Variants in ANKRD12 observed in about 807,000 individuals in gnomAD.
ANKRD12 encodes ankyrin repeat domain-containing protein 12.
Under a neutral mutation model 183.4 loss-of-function variants are expected in ANKRD12, and 85 were observed. That is an observed-to-expected ratio of 0.46 (90% confidence interval 0.39 to 0.56). The LOEUF is 0.56. Among genes scored for constraint, ANKRD12 ranks in the 20% least tolerant of loss-of-function variants. The pLI is 0.00. For synonymous variants in ANKRD12, 914 were observed against 800.2 expected (o/e 1.14, Z -2.40); for missense variants, 2,405 against 2,357.1 (o/e 1.02, Z -0.42).
rs569066894 is a variant in ANKRD12, at chr18:9,268,084, T to C, written c.5763+4196T>C. On this transcript the variant is annotated intron_variant, in intron 10 of 12. Transcript: ENST00000262126. ...CTAAACCAGGAAGAAGTTGAATCTCTGAATAGACCAATAACAGGCTCTGAA... is the reference window on the plus strand; with the variant it reads ...CTAAACCAGGAAGAAGTTGAATCTCCGAATAGACCAATAACAGGCTCTGAA... Among the ~76,000 whole-genome samples the C allele has an allele frequency of 8.4e-4, 128 of 152,260 alleles. 1 individual carries two copies. The highest frequency in any genetic ancestry group is 2.9e-3 in the African/African-American group (121 of 41,538).
chr18:9,181,656 T>C (rs922809410), intron 1 of ANKRD12, among the ~76,000 whole-genome samples: 1 of 152,224 alleles, frequency 6.6e-6, no homozygotes, highest in Non-Finnish European at 1.5e-5. Context: ...TAATAGATTA[T>C]CTGACAGCAA....
chr18:9,217,126 A>C (rs1430276218), intron 7 of ANKRD12, among the ~76,000 whole-genome samples: 1 of 152,220 alleles, frequency 6.6e-6, no homozygotes. Flanking sequence ...TGATTAAATA[A>C]TTTGGCAAAA....
intron 3 of ANKRD12, among the ~76,000 whole-genome samples, chr18:9,201,884 G>A (rs1021325887): frequency 6.6e-6 from 1 of 150,988 alleles, no homozygotes; most frequent in Non-Finnish European, 1.5e-5. Flanking sequence ...CTGGAGTGCA[G>A]TGGCACAGTC....
intron 2 of ANKRD12, among the ~76,000 whole-genome samples, chr18:9,185,472 A>T (rs2033985370): frequency 6.6e-6 from 1 of 152,204 alleles, no homozygotes; most frequent in Admixed American, 6.5e-5. Flanking sequence ...CCTGAAAGGA[A>T]ATTCAAGAGA....
intron 8 of ANKRD12, among the ~76,000 whole-genome samples, chr18:9,223,079 C>A (rs2036510104): frequency 6.6e-6 from 1 of 151,986 alleles, no homozygotes; most frequent in Non-Finnish European, 1.5e-5. Flanking sequence ...AATTTAAATA[C>A]AAAATTAAAA....
chr18:9,167,123 T>C (rs1002448430), intron 1 of ANKRD12, among the ~76,000 whole-genome samples: 6 of 152,200 alleles, frequency 3.9e-5, no homozygotes, highest in Non-Finnish European at 8.8e-5. Context: ...ACTGTAGCCT[T>C]GTAGTATAGT....
chr18:9,212,433 A>C (rs998658672), intron 6 of ANKRD12, among the ~76,000 whole-genome samples: 1 of 150,322 alleles, frequency 6.7e-6, no homozygotes, highest in African/African-American at 2.4e-5. Flanking sequence ...ATCTGTATCA[A>C]TCTGTAGTTC....
rs777912081 is a variant in ANKRD12, at chr18:9,256,248, A to G, written c.2981A>G (p.His994Arg). ...ATAGTAGACGGTAATAAAGCACAAC[A>G]TGAAAAACCCTTATCCCTTAAAGAA... ...SSIVDGNKAQ[H>R]EKPLSLKEKT... Residue 994 changes from histidine (H) to arginine (R), a missense_variant, in exon 9 of 13, where the codon CAT becomes CGT. His to Arg is a conservative substitution (Grantham distance 29, BLOSUM62 0). Coordinates refer to ENST00000262126, the MANE Select transcript of ANKRD12 (RefSeq NM_015208.5). 1.2e-6 allele frequency: 2 copies of G among 1,602,758 alleles called. No homozygotes were observed. Among genetic ancestry groups the G allele is most frequent in the African/African-American group, 2.7e-5 (2 of 73,972 alleles).
At chr18:9,278,138 A>G (rs2039942210) in intron 11 of ANKRD12, among the ~76,000 whole-genome samples, 1 of 152,190 alleles carries the variant, frequency 6.6e-6, no homozygotes, top group Admixed American at 6.5e-5. Context: ...CTCTTGACAG[A>G]GAGAAACTTA....
chr18:9,157,575 G>GTATATATATATATATA (rs1324001858), intron 1 of ANKRD12, among the ~76,000 whole-genome samples: 1 of 112,792 alleles, frequency 8.9e-6, no homozygotes, highest in Non-Finnish European at 1.8e-5. Flanking sequence ...GTGTGTGTGT[G>GTATATATATATATATA]TGTGTGTGTG....
In ANKRD12 at chr18:9,285,889, GTGTAT is replaced by G. The variant is rs1399101065; in HGVS notation, c.*4768_*4772del. Reference sequence around the variant, plus strand: ...AGTCGTAATTTATTAATGAGTAGTAGTGTATTGTACAAATTTGTTTATTCGTTCTC... The same window carrying G: ...AGTCGTAATTTATTAATGAGTAGTAGTGTACAAATTTGTTTATTCGTTCTC... On this transcript the variant is annotated 3_prime_UTR_variant, in exon 13 of 13. Transcript: ENST00000262126. The G allele has an allele frequency of 2.0e-5, 3 of 152,164 alleles. No homozygotes were observed. The highest frequency in any genetic ancestry group is 2.9e-5 in the Non-Finnish European group (2 of 68,012). 9.4% of individuals were successfully genotyped at this position (152,164 alleles called of 1,614,324 possible). A position where few individuals can be genotyped will look rare whatever the true frequency, so the allele number is the denominator to read the frequency against.
In ANKRD12 at chr18:9,208,821, T is replaced by C. The variant is rs186600003; in HGVS notation, c.451+18T>C. ...CAGTCCAGGTGATACCTACCATCATTGAGTTAATGTGTATCCCTAGTTTTC... is the reference window on the plus strand; with the variant it reads ...CAGTCCAGGTGATACCTACCATCATCGAGTTAATGTGTATCCCTAGTTTTC... On this transcript the variant is annotated intron_variant, in intron 5 of 12. Coordinates refer to ENST00000262126, the MANE Select transcript of ANKRD12 (RefSeq NM_015208.5). The C allele has an allele frequency of 6.8e-4, 1,015 of 1,496,606 alleles. 3 individuals are homozygous for C. The highest frequency in any genetic ancestry group is 2.7e-3 in the Middle Eastern group (15 of 5,660). The allele number at this position is 1,496,606 out of a possible 1,614,324, so 92.7% of individuals were successfully genotyped here.
chr18:9,276,335 C>T (rs946623527), intron 11 of ANKRD12, among the ~76,000 whole-genome samples: 1 of 152,122 alleles, frequency 6.6e-6, no homozygotes, highest in Non-Finnish European at 1.5e-5. Flanking sequence ...TAGGGTATAT[C>T]ACAGAAAAAT....
At chr18:9,163,477 T>C (rs9959998) in intron 1 of ANKRD12, among the ~76,000 whole-genome samples, 84,295 of 151,990 alleles carry the variant, frequency 0.55, 24,572 homozygotes, top group South Asian at 0.75. Context: ...TGCCTCTAGC[T>C]TTGTTCTTTT....
At position 9,221,979 on chromosome 18, in the gene ANKRD12, A is replaced by T. The variant is rs746407585; in HGVS notation, c.923A>T (p.Asp308Val). 15 of 1,613,938 alleles carry T rather than the reference A, an allele frequency of 9.3e-6. No individual in the cohort carries two copies. The highest frequency in any genetic ancestry group is 1.3e-5 in the Non-Finnish European group (15 of 1,179,852). Residue 308 changes from aspartate (D) to valine (V), a missense_variant, in exon 8 of 13, where the codon GAT becomes GTT. Coordinates refer to ENST00000262126, the MANE Select transcript of ANKRD12 (RefSeq NM_015208.5). The part of the protein sequence containing the change: ...LLLKREVPLS[D>V]DDESYTDSEE... ...CTAAAAAGAGAGGTGCCTTTATCTG[A>T]TGATGATGAAAGTTACACAGGTTTG...
At chr18:9,181,000 C>T (rs530907995) in intron 1 of ANKRD12, among the ~76,000 whole-genome samples, 1 of 152,248 alleles carries the variant, frequency 6.6e-6, no homozygotes, top group African/African-American at 2.4e-5. Context: ...ACTTTAACTC[C>T]ATAAGCTTTA....
intron 11 of ANKRD12, 110 bp downstream of exon 11, chr18:9,275,777 T>A: frequency 8.8e-7 from 1 of 1,134,100 alleles, no homozygotes; most frequent in Non-Finnish European, 1.2e-6. Context: ...TCATTAAAGG[T>A]CAAAGAAGAA....
Position 9,208,682 on chromosome 18 carries a change from G to A in ANKRD12, c.330G>A (p.Lys110=). The A allele has an allele frequency of 6.2e-7, 1 of 1,608,880 alleles. No individual in the cohort carries two copies. Among genetic ancestry groups the A allele is most frequent in the Non-Finnish European group, 8.5e-7 (1 of 1,178,042 alleles). The part of the protein sequence containing the change: ...YSEKEGPEKK[K]TKKEAGNKKS... ...AGAAAGAAGGTCCAGAAAAGAAGAA[G>A]ACAAAAAAGGAAGCTGGAAATAAGA... Residue 110 remains lysine, a synonymous_variant, in exon 5 of 13, where the codon AAG becomes AAA. Coordinates refer to ENST00000262126, the MANE Select transcript of ANKRD12 (RefSeq NM_015208.5).
chr18:9,167,508 GCTCT>G (rs949403534), intron 1 of ANKRD12, among the ~76,000 whole-genome samples: 2 of 151,934 alleles, frequency 1.3e-5, no homozygotes, highest in Admixed American at 6.6e-5. Flanking sequence ...TCATGATTTG[GCTCT>G]CTGTTTGTTT....
Sources: gnomAD v4.1 joint callset for allele counts (sites outside exome capture counted in the v4.1 genomes callset) on GRCh38, gnomAD v4.1.1 for gene constraint, MANE v1.5 for transcripts, NCBI Gene and HGNC (gene_info 2026-07-23, HGNC 2026-07-21) for gene names.